CFAP47: variants seen among roughly 807,000 people sequenced by gnomAD.
CFAP47 encodes the protein cilia and flagella associated protein 47, also known as cilia- and flagella-associated protein 47.
Under a neutral mutation model 148.1 loss-of-function variants are expected in CFAP47, and 29 were observed. The observed-to-expected ratio is 0.20, with a 90% CI of 0.15 to 0.27. CFAP47 has a LOEUF of 0.27. Ranked by LOEUF, CFAP47 falls within the 10% of genes least tolerant of loss-of-function variation. The pLI, the probability that CFAP47 is intolerant of heterozygous loss-of-function variation, is 1.00. For missense variants in CFAP47, 1,872 were observed against 1,697.5 expected (o/e 1.10, Z -1.81); for synonymous variants, 664 against 577.3 (o/e 1.15, Z -2.15).
Position 36,361,313 on chromosome X carries a change from C to T in CFAP47, c.8852-17C>T, listed in dbSNP as rs1210623893. The T allele has an allele frequency of 8.3e-6, 8 of 961,557 alleles. No individual in the cohort carries two copies. The South Asian group carries it at 1.2e-4, about 14-fold the overall frequency. 79.2% of individuals were successfully genotyped at this position (961,557 alleles called of 1,213,427 possible). On this transcript the variant is annotated splice_polypyrimidine_tract_variant and intron_variant, in intron 60 of 63. Coordinates refer to ENST00000378653, the MANE Select transcript of CFAP47 (RefSeq NM_001304548.2). ...ATTTAATTAAATTGAAATATATTTT[C>T]ATCTTGACTTTCCTAGAAATTCCTA... is the stretch of plus-strand genomic sequence containing the variant.
Position 36,216,890 on chromosome X carries a change from G to A in CFAP47, c.6818-11738G>A, listed in dbSNP as rs987040735. On this transcript the variant is annotated intron_variant, in intron 45 of 63. Transcript: ENST00000378653. ...CTTTACAATAGTGATGTTATCTCCA[G>A]GAGCAATTTGGGGAGGTTCAGACTC... 9.9e-5 allele frequency among the ~76,000 whole-genome samples: 8 copies of A among 81,074 alleles called. No individual in the cohort carries two copies. In the Admixed American group the frequency reaches 1.1e-3, roughly 11 times the overall value. 70.4% of individuals were successfully genotyped at this position (81,074 alleles called of 115,157 possible). A position where few individuals can be genotyped will look rare whatever the true frequency, so the allele number is the denominator to read the frequency against.
intron 40 of CFAP47, among the ~76,000 whole-genome samples, chrX:36,185,495 A>G (rs1939796959): frequency 9.0e-6 from 1 of 111,643 alleles, no homozygotes; most frequent in Admixed American, 9.5e-5. Flanking sequence ...CTATTCTTCT[A>G]GATTAGGATT....
intron 1 of CFAP47, 145 bp downstream of exon 1, chrX:35,920,193 G>C (rs975804041): frequency 8.2e-6 from 5 of 613,052 alleles, no homozygotes; most frequent in Non-Finnish European, 7.0e-6. Context: ...ACAGGTTTCT[G>C]TGTGTGTGCT....
At chrX:36,171,808 A>G (rs1399314209) in intron 39 of CFAP47, among the ~76,000 whole-genome samples, 1 of 111,061 alleles carries the variant, frequency 9.0e-6, no homozygotes. Context: ...TATGAACTTT[A>G]AAGTAGTTTT....
At chrX:36,338,035 ATT>A (rs1209274928) in intron 57 of CFAP47, among the ~76,000 whole-genome samples, 1,192 of 46,456 alleles carry the variant, frequency 0.026, 10 homozygotes, top group African/African-American at 0.11. Flanking sequence ...ACGCCTGGCT[ATT>A]TTTTTTTTTT....
At chrX:36,371,626 A>G (rs1357386618) in intron 62 of CFAP47, among the ~76,000 whole-genome samples, 10 of 86,308 alleles carry the variant, frequency 1.2e-4, no homozygotes, top group South Asian at 6.5e-4. Flanking sequence ...TGTGTAATAT[A>G]TGTGTATATA....
intron 8 of CFAP47, among the ~76,000 whole-genome samples, chrX:35,960,041 A>T (rs1421697083): frequency 9.1e-6 from 1 of 110,045 alleles, no homozygotes; most frequent in Non-Finnish European, 1.9e-5. Context: ...CTAGACTAAA[A>T]ATTCTATTTT....
At chrX:36,261,021 T>A (rs1343750941) in intron 49 of CFAP47, among the ~76,000 whole-genome samples, 3 of 111,270 alleles carry the variant, frequency 2.7e-5, no homozygotes, top group Admixed American at 1.9e-4. Flanking sequence ...CTGTAGGGGT[T>A]CAGCTTTATT....
rs186593264 is a variant in CFAP47 at position 36,011,966 on chromosome X, A to G, written c.3418-2808A>G. Reference sequence around the variant, plus strand: ...AATGGTTTTGCCTAGGTTTTCTTCTAGGGTTTTTATGGTTTTTGGTTTTAC... The same window carrying G: ...AATGGTTTTGCCTAGGTTTTCTTCTGGGGTTTTTATGGTTTTTGGTTTTAC... On this transcript the variant is annotated intron_variant, in intron 21 of 63. Transcript: ENST00000378653. Among the ~76,000 whole-genome samples the G allele has an allele frequency of 1.2e-4, 13 of 111,829 alleles. No individual in the cohort carries two copies. In the East Asian group the frequency reaches 3.7e-3, roughly 31 times the overall value.
At chrX:36,054,386 CA>C (rs1257578613) in intron 26 of CFAP47, among the ~76,000 whole-genome samples, 9 of 112,095 alleles carry the variant, frequency 8.0e-5, no homozygotes. Flanking sequence ...TATTAGAAAT[CA>C]AAATGCATTT....
At chrX:35,991,413 T>A (rs1421852398) in intron 16 of CFAP47, among the ~76,000 whole-genome samples, 1 of 110,668 alleles carries the variant, frequency 9.0e-6, no homozygotes, top group Non-Finnish European at 1.9e-5. Flanking sequence ...CACCAGTATC[T>A]AGATATTTTA....
intron 45 of CFAP47, among the ~76,000 whole-genome samples, chrX:36,205,724 A>C (rs1216778835): frequency 2.7e-5 from 3 of 112,087 alleles, no homozygotes; most frequent in South Asian, 3.7e-4. Context: ...CAAGTGACTA[A>C]ATATTTTTAA....
At chrX:36,287,662 G>A (rs989113665) in intron 51 of CFAP47, among the ~76,000 whole-genome samples, 2 of 111,300 alleles carry the variant, frequency 1.8e-5, no homozygotes, top group Non-Finnish European at 3.8e-5. Flanking sequence ...ATTTAACTGT[G>A]ATTTGTTGAG....
At chrX:36,247,597 T>A (rs1251039401) in intron 48 of CFAP47, among the ~76,000 whole-genome samples, 3 of 111,164 alleles carry the variant, frequency 2.7e-5, no homozygotes, top group African/African-American at 9.8e-5. Flanking sequence ...GTTAGAATTA[T>A]TACAAAGCAA....
At chrX:36,299,236 A>G (rs1941274656) in intron 52 of CFAP47, 84 bp downstream of exon 52, 1 of 558,119 alleles carries the variant, frequency 1.8e-6, no homozygotes, top group South Asian at 8.8e-5. Context: ...TACTATAATC[A>G]TTAAAATTAC....
In CFAP47 at chrX:36,099,752, C is replaced by A; in HGVS notation, c.5000C>A (p.Ser1667Tyr). The change falls in exon 32 of 64, where the codon TCT (serine) becomes TAT (tyrosine). Residue 1667 changes from serine (S) to tyrosine (Y), a missense_variant and splice_region_variant. Physicochemically the swap from Ser to Tyr is moderately radical, Grantham distance 144 (BLOSUM62 -2). Coordinates refer to ENST00000378653, the MANE Select transcript of CFAP47 (RefSeq NM_001304548.2). ...GTTGTACTATTTTATTTCTTAAAGT[C>A]TTCCACTAATACGATGCCTGTGAGT... is the stretch of plus-strand genomic sequence containing the variant. ...EDYKRWIEIMSSTNTMPVSSC... is the reference protein window; with the variant it reads ...EDYKRWIEIMYSTNTMPVSSC... 1 of 812,529 alleles carries A rather than the reference C, an allele frequency of 1.2e-6. No homozygotes were observed. The highest frequency in any genetic ancestry group is 1.8e-6 in the Non-Finnish European group (1 of 548,821). The allele number at this position is 812,529 out of a possible 1,213,427, so 67.0% of individuals were successfully genotyped here.
At chrX:36,292,347 A>T (rs1301990383) in intron 51 of CFAP47, among the ~76,000 whole-genome samples, 1 of 112,024 alleles carries the variant, frequency 8.9e-6, no homozygotes, top group Non-Finnish European at 1.9e-5. Context: ...ATTGACCCAG[A>T]TTATAATGAT....
chrX:36,157,022 G>A (rs1014347775), intron 37 of CFAP47, among the ~76,000 whole-genome samples: 5 of 109,618 alleles, frequency 4.6e-5, no homozygotes, highest in African/African-American at 6.6e-5. Context: ...CTTCCATCGA[G>A]ATCCAATCCG....
At chrX:36,118,219 T>G (rs1401462326) in intron 33 of CFAP47, among the ~76,000 whole-genome samples, 1 of 111,908 alleles carries the variant, frequency 8.9e-6, no homozygotes, top group African/African-American at 3.3e-5. Flanking sequence ...ACTTTGGCTA[T>G]TCTGGGTCTT....
Sources: allele counts gnomAD v4.1 joint callset (sites outside exome capture counted in the v4.1 genomes callset), GRCh38; gene constraint gnomAD v4.1.1; transcripts MANE v1.5; gene names NCBI Gene and HGNC (gene_info 2026-07-23, HGNC 2026-07-21).